PRKAG1: variants seen among roughly 807,000 people sequenced by gnomAD.
PRKAG1 encodes the protein protein kinase AMP-activated non-catalytic subunit gamma 1.
Under a neutral mutation model 48.2 loss-of-function variants are expected in PRKAG1, and 27 were observed. The observed-to-expected ratio is 0.56, with a 90% CI of 0.41 to 0.77. PRKAG1 has a LOEUF of 0.77. PRKAG1 is among the 30% of genes least tolerant of loss of function. The pLI, the probability that PRKAG1 is intolerant of heterozygous loss-of-function variation, is 0.00. For synonymous variants in PRKAG1, 130 were observed against 147.7 expected, an observed-to-expected ratio of 0.88 and a Z score of 0.87; for missense variants, 287 against 398.3, an observed-to-expected ratio of 0.72 and a Z score of 2.38.
chr12:49,012,982 G>A (rs1565739437), intron 2 of PRKAG1, 80 bp downstream of exon 2: 1 of 1,391,418 alleles, frequency 7.2e-7, no homozygotes, highest in Non-Finnish European at 1.0e-6. Flanking sequence ...CCAGGGGAGA[G>A]ATTCAAAAGC....
intron 1 of PRKAG1, 36 bp downstream of exon 1, chr12:49,018,696 C>A: frequency 6.2e-7 from 1 of 1,613,560 alleles, no homozygotes; most frequent in Non-Finnish European, 8.5e-7. Flanking sequence ...GTCTTAGGCT[C>A]CACAGCGCCC....
At chr12:49,003,620 A>G (rs749041298) in intron 9 of PRKAG1, 25 bp from the exon 10 acceptor site, 14 of 1,613,238 alleles carry the variant, frequency 8.7e-6, no homozygotes, top group African/African-American at 4.0e-5. Flanking sequence ...GCAGCTCAGT[A>G]AGGAGGATCT....
chr12:49,017,381 A>C, intron 1 of PRKAG1: 1 of 348,852 alleles, frequency 2.9e-6, no homozygotes. Context: ...TAATTTTTGT[A>C]TTTTTGTTTC....
chr12:49,003,370 G>C, intron 10 of PRKAG1, 80 bp from the exon 11 acceptor site: 2 of 1,580,452 alleles, frequency 1.3e-6, no homozygotes, highest in Non-Finnish European at 8.7e-7. Flanking sequence ...CCTCAACAGA[G>C]GGATTCAGGG....
intron 10 of PRKAG1, 99 bp downstream of exon 10, chr12:49,003,459 C>A (rs2137649812): frequency 6.4e-7 from 1 of 1,551,302 alleles, no homozygotes; most frequent in South Asian, 1.1e-5. Context: ...GCTTCTAAGA[C>A]CCTTAGATCA....
In PRKAG1 at chr12:49,003,824, G is replaced by A. The variant is rs201632997; in HGVS notation, c.636C>T (p.Pro212=). ...ANIAMVRTTT[P]VYVALGIFVQ... Reference sequence around the variant, plus strand: ...CAAAAATCCCCAGAGCCACATAGACGGGGGTGGTAGTGCGAACCATAGCAA... The same window carrying A: ...CAAAAATCCCCAGAGCCACATAGACAGGGGTGGTAGTGCGAACCATAGCAA... The change falls in exon 9 of 12, where the codon CCC becomes CCT. Residue 212 remains proline (P), a synonymous_variant. Coordinates refer to ENST00000548065, the MANE Select transcript of PRKAG1 (RefSeq NM_002733.5). 5.3e-5 allele frequency: 86 copies of A among 1,613,966 alleles called. No individual in the cohort carries two copies. The highest frequency in any genetic ancestry group is 6.7e-5 in the Non-Finnish European group (79 of 1,179,988).
In PRKAG1 at chr12:49,005,703, C is replaced by T. The variant is rs755485935; in HGVS notation, c.168+40G>A. Reference sequence around the variant, plus strand: ...AGATAGGATGAGAGGTATTAAACCACAGGCTCCAAAGGGGGAAGGGAAAAG... The same window carrying T: ...AGATAGGATGAGAGGTATTAAACCATAGGCTCCAAAGGGGGAAGGGAAAAG... On this transcript the variant is annotated intron_variant, in intron 3 of 11. Coordinates refer to ENST00000548065, the MANE Select transcript of PRKAG1 (RefSeq NM_002733.5). The surrounding 1 kb of genome is among the most constrained non-coding windows in gnomAD (Gnocchi z 4.1). 1.2e-6 allele frequency: 2 copies of T among 1,608,184 alleles called. No homozygotes were observed. The highest frequency in any genetic ancestry group is 1.3e-5 in the African/African-American group (1 of 74,858).
At chr12:49,017,367 T>A (rs996164044) in intron 1 of PRKAG1, 1 of 306,980 alleles carries the variant, frequency 3.3e-6, no homozygotes, top group African/African-American at 2.4e-5. Flanking sequence ...CCACCACGCC[T>A]GGGTAATTTT....
chr12:49,018,574 A>AAG, intron 1 of PRKAG1, 158 bp downstream of exon 1: 2 of 1,485,572 alleles, frequency 1.3e-6, no homozygotes, highest in Non-Finnish European at 1.8e-6. Flanking sequence ...CCCAACGAAG[A>AAG]AGCGGAGGAA....
Position 49,006,838 on chromosome 12 carries a change from G to A in PRKAG1, c.59-986C>T, listed in dbSNP as rs145439063. Among the ~76,000 whole-genome samples the A allele has an allele frequency of 6.9e-3, 1,051 of 151,900 alleles. 5 individuals are homozygous for A. Among genetic ancestry groups the A allele is most frequent in the Middle Eastern group, 0.017 (5 of 294 alleles). ...TACAAAATTAGCCGGGCATGGTGGC[G>A]CATGCCTGTAATCCCAGCTACTCGG... On this transcript the variant is annotated intron_variant, in intron 2 of 11. Coordinates refer to ENST00000548065, the MANE Select transcript of PRKAG1 (RefSeq NM_002733.5).
chr12:49,009,120 C>CTTT (rs1173409489), intron 2 of PRKAG1, among the ~76,000 whole-genome samples: 6 of 133,086 alleles, frequency 4.5e-5, no homozygotes, highest in African/African-American at 1.7e-4. Flanking sequence ...CTTTCCTCTC[C>CTTT]TTTTTTTTTT....
intron 2 of PRKAG1, among the ~76,000 whole-genome samples, chr12:49,011,145 A>G (rs1224452024): frequency 6.6e-6 from 1 of 152,104 alleles, no homozygotes; most frequent in Non-Finnish European, 1.5e-5. Context: ...GCGCAGCCCA[A>G]TCTACCAATC....
chr12:49,004,781 G>A (rs1190516602), intron 7 of PRKAG1, 148 bp from the exon 8 acceptor site: 2 of 1,353,106 alleles, frequency 1.5e-6, no homozygotes, highest in Non-Finnish European at 2.1e-6. Flanking sequence ...AAGAGAGAGA[G>A]AGAGAGAGTG....
At chr12:49,012,858 T>C (rs749021270) in intron 2 of PRKAG1, 42 of 560,556 alleles carry the variant, frequency 7.5e-5, no homozygotes, top group Middle Eastern at 3.6e-4. Context: ...GGTTTGATAA[T>C]TGAAGATATT....
chr12:49,003,216 G>A lies in PRKAG1; in HGVS notation c.816C>T (p.Tyr272=). 1 of 1,614,166 alleles carries A rather than the reference G, an allele frequency of 6.2e-7. No individual in the cohort carries two copies. Among genetic ancestry groups the A allele is most frequent in the Non-Finnish European group, 8.5e-7 (1 of 1,180,018 alleles). The part of the protein sequence containing the change: ...VTKALQHRSH[Y]FEGVLKCYLH... Reference sequence around the variant, plus strand: ...GGTAGCACTTGAGAACACCCTCAAAGTAATGTGATCGATGTTGCAAGGCTT... The same window carrying A: ...GGTAGCACTTGAGAACACCCTCAAAATAATGTGATCGATGTTGCAAGGCTT... The change falls in exon 11 of 12, where the codon TAC becomes TAT. Residue 272 remains tyrosine (Y), a synonymous_variant. Coordinates refer to ENST00000548065, the MANE Select transcript of PRKAG1 (RefSeq NM_002733.5).
intron 1 of PRKAG1, chr12:49,017,478 CT>C: frequency 3.4e-6 from 1 of 296,904 alleles, no homozygotes; most frequent in South Asian, 2.7e-5. Flanking sequence ...TCCCAAAGTA[CT>C]GGCATTACAG....
intron 7 of PRKAG1, 147 bp downstream of exon 7, chr12:49,004,817 G>GAC: frequency 4.6e-5 from 12 of 259,306 alleles, no homozygotes; most frequent in African/African-American, 4.5e-4. Flanking sequence ...GAGAGACTGT[G>GAC]TGTGTGTGTG....
In PRKAG1 at chr12:49,005,541, C is replaced by T; in HGVS notation, c.171G>A (p.Val57=). ...KLVVFDTSLQ[V]KKAFFALVTN... ...TCACCAAAGCAAAAAAAGCTTTCTT[C>T]ACCTGTAGCCAAGACAGTAATAATC... Residue 57 remains valine (V), a splice_region_variant and synonymous_variant, in exon 4 of 12, where the codon GTG becomes GTA. Coordinates refer to ENST00000548065, the MANE Select transcript of PRKAG1 (RefSeq NM_002733.5). This position sits in a 1 kb window ranked among gnomAD's most constrained non-coding sequence, Gnocchi z 4.1. 3.1e-6 allele frequency: 5 copies of T among 1,614,196 alleles called. No homozygotes were observed. Among genetic ancestry groups the T allele is most frequent in the Non-Finnish European group, 4.2e-6 (5 of 1,180,028 alleles).
rs1051920816 is a variant in PRKAG1, at chr12:49,005,652, A to T, written c.168+91T>A. 27 of 1,610,156 alleles carry T rather than the reference A, an allele frequency of 1.7e-5. No homozygotes were observed. The highest frequency in any genetic ancestry group is 5.9e-6 in the Non-Finnish European group (7 of 1,177,022). On this transcript the variant is annotated intron_variant, in intron 3 of 11. Coordinates refer to ENST00000548065, the MANE Select transcript of PRKAG1 (RefSeq NM_002733.5). This position sits in a 1 kb window ranked among gnomAD's most constrained non-coding sequence, Gnocchi z 4.1. ...TAAAACATGAGACTAACTTCACAGA[A>T]GGATAAGGATATTACCCTTAGGATG...
Sources: gnomAD v4.1 joint callset for allele counts (sites outside exome capture counted in the v4.1 genomes callset) on GRCh38, gnomAD v4.1.1 for gene constraint, Gnocchi (gnomAD v3.1) non-coding constraint, MANE v1.5 for transcripts, NCBI Gene and HGNC (gene_info 2026-07-23, HGNC 2026-07-21) for gene names.